Variants in ADCK2 observed in about 807,000 individuals in gnomAD.
The protein encoded by ADCK2 is uncharacterized aarF domain-containing protein kinase 2.
In ADCK2, 37 loss-of-function variants were observed where a neutral mutation model predicts 52.3. The observed-to-expected ratio is 0.71, with a 90% CI of 0.54 to 0.93. The LOEUF is 0.93. Ranked by LOEUF, ADCK2 falls within the 40% of genes least tolerant of loss-of-function variation. The pLI is 0.00. For missense variants in ADCK2, 695 were observed against 798.7 expected, an observed-to-expected ratio of 0.87 and a Z score of 1.56; for synonymous variants, 321 against 349.2, an observed-to-expected ratio of 0.92 and a Z score of 0.90.
chr7:140,677,531 T>C (rs1384927330), intron 2 of ADCK2, among the ~76,000 whole-genome samples: 1 of 152,246 alleles, frequency 6.6e-6, no homozygotes, highest in Non-Finnish European at 1.5e-5. Flanking sequence ...GACTTTTTTT[T>C]CTTGCATTAT....
intron 7 of ADCK2, among the ~76,000 whole-genome samples, chr7:140,692,227 T>C (rs1255428867): frequency 6.6e-6 from 1 of 152,222 alleles, no homozygotes; most frequent in Admixed American, 6.5e-5. Flanking sequence ...ACCACCATGC[T>C]GTTTTACGTT....
intron 2 of ADCK2, among the ~76,000 whole-genome samples, chr7:140,677,626 T>C (rs1296974116): frequency 1.3e-5 from 2 of 152,148 alleles, no homozygotes; most frequent in African/African-American, 2.4e-5. Context: ...TGATTTAAAG[T>C]ATATGGGAGG....
Position 140,681,116 on chromosome 7 carries a change from G to T in ADCK2, c.1284G>T (p.Gly428=). The T allele has an allele frequency of 4.3e-6, 7 of 1,614,136 alleles. No individual in the cohort carries two copies. Among genetic ancestry groups the T allele is most frequent in the Non-Finnish European group, 5.9e-6 (7 of 1,180,016 alleles). ...TGAAAAGGAAGATTGCACGGCTGGG[G>T]ATCAACATGCTCCTGAAGATGGTGA... is the stretch of plus-strand genomic sequence containing the variant. ...VDLKRKIARL[G]INMLLKMIFV... Residue 428 remains glycine (G), a synonymous_variant, in exon 4 of 8, where the codon GGG becomes GGT. Transcript: ENST00000072869.
Position 140,674,040 on chromosome 7 carries a change from G to C in ADCK2, c.710G>C (p.Cys237Ser), listed in dbSNP as rs911643645. The C allele has an allele frequency of 6.2e-7, 1 of 1,614,028 alleles. No homozygotes were observed. Among genetic ancestry groups the C allele is most frequent in the Non-Finnish European group, 8.5e-7 (1 of 1,180,058 alleles). The change falls in exon 1 of 8, where the codon TGT (cysteine) becomes TCT (serine). Residue 237 changes from cysteine to serine, a missense_variant. Coordinates refer to ENST00000072869, the MANE Select transcript of ADCK2 (RefSeq NM_052853.4). This position sits in a 1 kb window ranked among gnomAD's most constrained non-coding sequence, Gnocchi z 4.6. ...GTCCAGAGACTTGGCAGGGCCTCCT[G>C]TCTGCCGCCCTTCTCACATACTGGG... is the stretch of plus-strand genomic sequence containing the variant. Reference protein sequence around the residue: ...DSVQRLGRASCLPPFSHTGAV... With the variant: ...DSVQRLGRASSLPPFSHTGAV...
intron 4 of ADCK2, among the ~76,000 whole-genome samples, chr7:140,682,289 C>T (rs1216528920): frequency 1.3e-5 from 2 of 152,202 alleles, no homozygotes; most frequent in African/African-American, 2.4e-5. Flanking sequence ...GGCTCCATCT[C>T]AGCTGCAGTG....
chr7:140,687,383 C>A (rs1794623929), intron 5 of ADCK2, 142 bp downstream of exon 5: 2 of 1,147,616 alleles, frequency 1.7e-6, no homozygotes, highest in African/African-American at 1.6e-5. Context: ...AGTTCAAGGC[C>A]AGCCTGAGCA....
At position 140,672,969 on chromosome 7, in the gene ADCK2, C is replaced by T. The variant is rs1370252736; in HGVS notation, c.-362C>T. Among the ~76,000 whole-genome samples, 2 of 151,244 alleles carry T rather than the reference C, an allele frequency of 1.3e-5. No individual in the cohort carries two copies. The highest frequency in any genetic ancestry group is 6.6e-5 in the Admixed American group (1 of 15,188). On this transcript the variant is annotated 5_prime_UTR_variant, in exon 1 of 8. Coordinates refer to ENST00000072869, the MANE Select transcript of ADCK2 (RefSeq NM_052853.4). ...CGCCACCCCAGCGATCTCATACTGG[C>T]CCCTGGGCGCACGGTGACCCTGCGG...
chr7:140,687,990 A>G (rs1794636022), intron 5 of ADCK2, among the ~76,000 whole-genome samples: 1 of 150,768 alleles, frequency 6.6e-6, no homozygotes, highest in Non-Finnish European at 1.5e-5. Flanking sequence ...AGTAGCTAGG[A>G]CTACAGGCTG....
chr7:140,674,367 C>A lies in ADCK2; in HGVS notation c.933+104C>A. 7.8e-7 allele frequency: 1 copy of A among 1,288,670 alleles called. No homozygotes were observed. The highest frequency in any genetic ancestry group is 1.1e-6 in the Non-Finnish European group (1 of 948,624). 79.8% of individuals were successfully genotyped at this position (1,288,670 alleles called of 1,614,324 possible). A position where few individuals can be genotyped will look rare whatever the true frequency, so the allele number is the denominator to read the frequency against. ...CCACGTTTATTTCTATTTGCCTGAC[C>A]AATATCTGAGTGCTTATTTCATGCA... On this transcript the variant is annotated intron_variant, in intron 1 of 7. Transcript: ENST00000072869. The surrounding 1 kb of genome is among the most constrained non-coding windows in gnomAD (Gnocchi z 4.6).
chr7:140,693,535 G>A lies in ADCK2; in HGVS notation c.1741-1128G>A, dbSNP rs576980898. On this transcript the variant is annotated intron_variant, in intron 7 of 7. Coordinates refer to ENST00000072869, the MANE Select transcript of ADCK2 (RefSeq NM_052853.4). This position sits in a 1 kb window ranked among gnomAD's most constrained non-coding sequence, Gnocchi z 4.0. ...TGGCTCTATTCCTCCTCACTCAGTG[G>A]CCTTGAGCAAGTCATTGAACCTCTC... Among the ~76,000 whole-genome samples the A allele has an allele frequency of 4.7e-4, 72 of 152,254 alleles. No homozygotes were observed. The highest frequency in any genetic ancestry group is 1.7e-3 in the African/African-American group (70 of 41,548).
chr7:140,673,112 C>T lies in ADCK2; in HGVS notation c.-219C>T. On this transcript the variant is annotated 5_prime_UTR_variant, in exon 1 of 8. Coordinates refer to ENST00000072869, the MANE Select transcript of ADCK2 (RefSeq NM_052853.4). The surrounding 1 kb of genome is among the most constrained non-coding windows in gnomAD (Gnocchi z 6.4). ...CCGCAGTTGGTGCCGTCTGACAGCC[C>T]CTTCCGCGCGGCGCGGCGCGGCGCG... 6.7e-6 allele frequency: 2 copies of T among 296,972 alleles called. No individual in the cohort carries two copies. The highest frequency in any genetic ancestry group is 5.7e-5 in the East Asian group (1 of 17,698). 18.4% of individuals were successfully genotyped at this position (296,972 alleles called of 1,614,324 possible).
chr7:140,673,345 G>A lies in ADCK2; in HGVS notation c.15G>A (p.Trp5Ter). ...GCCTCGGGAGGATGGTGGCGCCCTG[G>A]CGCGTCTCCGTCAGGGTTTGCCTGT... The part of the protein sequence containing the change: MVAP[W>*]RVSVRVCLSH... Residue 5 changes from tryptophan to a stop codon, truncating the protein, a stop_gained, in exon 1 of 8, where the codon TGG becomes TGA. Transcript: ENST00000072869. LOFTEE classifies it high-confidence loss of function. The surrounding 1 kb of genome is among the most constrained non-coding windows in gnomAD (Gnocchi z 6.4). 2 of 1,458,420 alleles carry A rather than the reference G, an allele frequency of 1.4e-6. No homozygotes were observed. The highest frequency in any genetic ancestry group is 2.9e-5 in the South Asian group (2 of 69,922). 90.3% of individuals were successfully genotyped at this position (1,458,420 alleles called of 1,614,324 possible). A position where few individuals can be genotyped will look rare whatever the true frequency, so the allele number is the denominator to read the frequency against.
rs940751041 is a variant in ADCK2, at chr7:140,679,074, C to T, written c.1081-81C>T. The T allele has an allele frequency of 2.6e-6, 4 of 1,536,606 alleles. No homozygotes were observed. The African/African-American group carries it at 5.5e-5, about 21-fold the overall frequency. On this transcript the variant is annotated intron_variant, in intron 2 of 7. Coordinates refer to ENST00000072869, the MANE Select transcript of ADCK2 (RefSeq NM_052853.4). Reference sequence around the variant, plus strand: ...GGGGAAGGTGGGGTGGATCTCATGACTTGCTAGCTCCTTGGCATTGCAGAT... The same window carrying T: ...GGGGAAGGTGGGGTGGATCTCATGATTTGCTAGCTCCTTGGCATTGCAGAT...
rs777578119 is a variant in ADCK2, at chr7:140,694,779, C to CA, written c.1858dup (p.Thr620AsnfsTer36). 4 of 1,613,722 alleles carry CA rather than the reference C, an allele frequency of 2.5e-6. No individual in the cohort carries two copies. In the South Asian group the frequency reaches 4.4e-5, roughly 18 times the overall value. ...TGGAGGCAGCGAGGCCCTTCCTCCT[C>CA]ACGGGCCCAGTGTGCCCCCCGTGAT... On this transcript the variant is annotated frameshift_variant, in exon 8 of 8. Transcript: ENST00000072869. LOFTEE classifies it high-confidence loss of function.
At position 140,681,027 on chromosome 7, in the gene ADCK2, C is replaced by T. The variant is rs1480947500; in HGVS notation, c.1210-15C>T. ...TGGCTGGGATTAAGCTGTTCTCTCCCTGGTCTTTCTGAAGGAGAGTGTGCC... is the reference window on the plus strand; with the variant it reads ...TGGCTGGGATTAAGCTGTTCTCTCCTTGGTCTTTCTGAAGGAGAGTGTGCC... On this transcript the variant is annotated splice_polypyrimidine_tract_variant and intron_variant, in intron 3 of 7. Coordinates refer to ENST00000072869, the MANE Select transcript of ADCK2 (RefSeq NM_052853.4). 3 of 1,613,002 alleles carry T rather than the reference C, an allele frequency of 1.9e-6. No individual in the cohort carries two copies. Among genetic ancestry groups the T allele is most frequent in the Non-Finnish European group, 2.5e-6 (3 of 1,178,982 alleles).
At chr7:140,690,647 G>A in intron 6 of ADCK2, 113 bp from the exon 7 acceptor site, 1 of 906,690 alleles carries the variant, frequency 1.1e-6, no homozygotes, top group Non-Finnish European at 1.7e-6. Context: ...GTGTATGTGT[G>A]CCCTGGCGGG....
intron 3 of ADCK2, among the ~76,000 whole-genome samples, chr7:140,679,920 T>G (rs1794487697): frequency 6.6e-6 from 1 of 152,006 alleles, no homozygotes; most frequent in Admixed American, 6.6e-5. Flanking sequence ...GTGATCTGCC[T>G]GCCTTGGCCT....
rs1426029175 is a variant in ADCK2, at chr7:140,692,616, C to T, written c.1740+1803C>T. Among the ~76,000 whole-genome samples, 3 of 152,234 alleles carry T rather than the reference C, an allele frequency of 2.0e-5. No homozygotes were observed. In the South Asian group the frequency reaches 6.2e-4, roughly 32 times the overall value. On this transcript the variant is annotated intron_variant, in intron 7 of 7. Transcript: ENST00000072869. ...TCAAGTGATCCACCTGCCTTGGCCT[C>T]CCGAAGTGCTGCGATGACAGGCGTG... is the stretch of plus-strand genomic sequence containing the variant.
intron 2 of ADCK2, among the ~76,000 whole-genome samples, chr7:140,676,505 C>A (rs1182748034): frequency 6.6e-6 from 1 of 152,204 alleles, no homozygotes; most frequent in African/African-American, 2.4e-5. Flanking sequence ...AGTTTCAGTT[C>A]CCCTTGCGGA....
Sources: gnomAD v4.1 joint callset for allele counts (sites outside exome capture counted in the v4.1 genomes callset) on GRCh38, gnomAD v4.1.1 for gene constraint, Gnocchi (gnomAD v3.1) non-coding constraint, MANE v1.5 for transcripts, NCBI Gene and HGNC (gene_info 2026-07-23, HGNC 2026-07-21) for gene names.